Variants in CCDC148 observed in about 807,000 individuals in gnomAD.
CCDC148 encodes the protein coiled-coil domain containing 148.
Under a neutral mutation model 85.7 loss-of-function variants are expected in CCDC148, and 89 were observed. The observed-to-expected ratio is 1.04, with a 90% confidence interval of 0.87 to 1.24. CCDC148 has a LOEUF of 1.24. Among genes scored for constraint, CCDC148 ranks in the 50% most tolerant of loss-of-function variants. CCDC148 has a pLI of 0.00. For missense variants in CCDC148, 692 were observed against 671.7 expected (o/e 1.03, Z -0.33); for synonymous variants, 230 against 213.9 (o/e 1.08, Z -0.66).
chr2:158,274,713 C>T (rs1264643189), intron 9 of CCDC148, among the ~76,000 whole-genome samples: 2 of 152,086 alleles, frequency 1.3e-5, no homozygotes, highest in Non-Finnish European at 2.9e-5. Flanking sequence ...TTATGAGAAG[C>T]CATCCAACAA....
At chr2:158,370,518 C>T (rs1341639329) in intron 1 of CCDC148, among the ~76,000 whole-genome samples, 1 of 151,746 alleles carries the variant, frequency 6.6e-6, no homozygotes, top group Non-Finnish European at 1.5e-5. Flanking sequence ...ATGAAAGATC[C>T]CACAACATTT....
At position 158,345,196 on chromosome 2, in the gene CCDC148, T is replaced by C. The variant is rs1682931348; in HGVS notation, c.251+19A>G. 1.9e-6 allele frequency: 3 copies of C among 1,572,606 alleles called. No individual in the cohort carries two copies. The highest frequency in any genetic ancestry group is 2.6e-6 in the Non-Finnish European group (3 of 1,144,772). On this transcript the variant is annotated intron_variant, in intron 3 of 13. Coordinates refer to ENST00000283233, the MANE Select transcript of CCDC148 (RefSeq NM_138803.4). The stretch of plus-strand genomic sequence containing the variant: ...CCTAGTAATTCCTACGTGTTCTTAC[T>C]ATGTCCCCCAGTTCTTACCTGACTT...
chr2:158,400,364 T>C (rs1184583471), intron 1 of CCDC148, among the ~76,000 whole-genome samples: 1 of 152,080 alleles, frequency 6.6e-6, no homozygotes, highest in Non-Finnish European at 1.5e-5. Flanking sequence ...AACAGACATA[T>C]AGACCAATGG....
At chr2:158,421,180 G>A (rs1423865881) in intron 1 of CCDC148, among the ~76,000 whole-genome samples, 2 of 152,042 alleles carry the variant, frequency 1.3e-5, no homozygotes, top group South Asian at 2.1e-4. Flanking sequence ...ACAGATCAAC[G>A]AGACAGAAAG....
chr2:158,384,783 C>T (rs1685015844), intron 1 of CCDC148, among the ~76,000 whole-genome samples: 1 of 152,092 alleles, frequency 6.6e-6, no homozygotes, highest in African/African-American at 2.4e-5. Flanking sequence ...AGTGGAAACC[C>T]CTTCAAGCTG....
intron 11 of CCDC148, among the ~76,000 whole-genome samples, chr2:158,205,358 A>G (rs1161715543): frequency 6.6e-6 from 1 of 152,132 alleles, no homozygotes; most frequent in Non-Finnish European, 1.5e-5. Context: ...GGGTGGAGAG[A>G]GCAATGAATA....
At chr2:158,453,796 G>C (rs917229391) in intron 1 of CCDC148, among the ~76,000 whole-genome samples, 176 of 152,304 alleles carry the variant, frequency 1.2e-3, no homozygotes, top group African/African-American at 4.0e-3. Context: ...TAATTGAAAA[G>C]TTGTTTGGAT....
At position 158,398,116 on chromosome 2, in the gene CCDC148, G is replaced by A. The variant is rs141253405; in HGVS notation, c.26-39546C>T. Reference sequence around the variant, plus strand: ...TATACACCCAATACAGGAGCACCCAGATTCATAAAGCAAGTTCTTAGAGAC... The same window carrying A: ...TATACACCCAATACAGGAGCACCCAAATTCATAAAGCAAGTTCTTAGAGAC... On this transcript the variant is annotated intron_variant, in intron 1 of 13. Coordinates refer to ENST00000283233, the MANE Select transcript of CCDC148 (RefSeq NM_138803.4). Among the ~76,000 whole-genome samples the A allele has an allele frequency of 3.1e-3, 470 of 152,196 alleles. 14 individuals carry two copies. The East Asian group carries it at 0.067, about 22-fold the overall frequency.
At chr2:158,272,082 T>C (rs577422290) in intron 9 of CCDC148, among the ~76,000 whole-genome samples, 17 of 152,280 alleles carry the variant, frequency 1.1e-4, no homozygotes, top group African/African-American at 4.1e-4. Flanking sequence ...TGATGTTCAG[T>C]TGGTTAATAT....
At chr2:158,315,766 C>T (rs1380229401) in intron 7 of CCDC148, among the ~76,000 whole-genome samples, 2 of 152,036 alleles carry the variant, frequency 1.3e-5, no homozygotes, top group Admixed American at 6.5e-5. Context: ...AGCTGCCTCT[C>T]CCACCCTCTT....
intron 1 of CCDC148, among the ~76,000 whole-genome samples, chr2:158,435,748 C>A: frequency 6.6e-6 from 1 of 151,954 alleles, no homozygotes; most frequent in Non-Finnish European, 1.5e-5. Context: ...CGTGCACAGA[C>A]AAACATAAGC....
intron 1 of CCDC148, among the ~76,000 whole-genome samples, chr2:158,387,309 TC>T (rs1685129217): frequency 6.6e-6 from 1 of 151,960 alleles, no homozygotes; most frequent in African/African-American, 2.4e-5. Context: ...TATATCTATA[TC>T]TATATCTATG....
intron 10 of CCDC148, among the ~76,000 whole-genome samples, chr2:158,225,767 G>C (rs1224284532): frequency 6.6e-6 from 1 of 152,126 alleles, no homozygotes; most frequent in Non-Finnish European, 1.5e-5. Flanking sequence ...TGAGAACAAA[G>C]ACACAACATA....
In CCDC148 at chr2:158,175,199, G is replaced by A. The variant is rs963044557; in HGVS notation, c.1629+1322C>T. ...AACCGAGTATAAGGGTTAGCCCAGC[G>A]GCCTGAGACTTTTTAGCTTCTGATT... On this transcript the variant is annotated intron_variant, in intron 13 of 13. Transcript: ENST00000283233. Among the ~76,000 whole-genome samples the A allele has an allele frequency of 2.6e-5, 4 of 152,008 alleles. No homozygotes were observed. The Middle Eastern group carries it at 0.01, about 388-fold the overall frequency.
intron 7 of CCDC148, among the ~76,000 whole-genome samples, chr2:158,337,776 A>C (rs182056706): frequency 6.6e-6 from 1 of 152,262 alleles, no homozygotes; most frequent in African/African-American, 2.4e-5. Context: ...TCAGGAAGCT[A>C]CCAAAGCAAA....
intron 7 of CCDC148, among the ~76,000 whole-genome samples, chr2:158,335,289 C>T (rs187388096): frequency 3.3e-5 from 5 of 152,300 alleles, no homozygotes; most frequent in African/African-American, 9.6e-5. Context: ...CTGAGCTTTG[C>T]TCAGGGTAGC....
chr2:158,438,122 T>C (rs1192687557), intron 1 of CCDC148, among the ~76,000 whole-genome samples: 1 of 152,090 alleles, frequency 6.6e-6, no homozygotes, highest in Non-Finnish European at 1.5e-5. Flanking sequence ...TGGAAAAAAC[T>C]ACGTTAAAGT....
chr2:158,217,551 C>T (rs942251610), intron 11 of CCDC148, among the ~76,000 whole-genome samples: 6 of 151,796 alleles, frequency 4.0e-5, no homozygotes, highest in African/African-American at 7.2e-5. Context: ...TACAGGCACC[C>T]GCCACCATGC....
At chr2:158,426,840 A>G (rs1185244784) in intron 1 of CCDC148, among the ~76,000 whole-genome samples, 2 of 152,110 alleles carry the variant, frequency 1.3e-5, no homozygotes, top group Non-Finnish European at 2.9e-5. Context: ...CTGTTTTTCT[A>G]TTACACCTTA....
Sources: gnomAD v4.1 joint callset for allele counts (sites outside exome capture counted in the v4.1 genomes callset) on GRCh38, gnomAD v4.1.1 for gene constraint, MANE v1.5 for transcripts, NCBI Gene and HGNC (gene_info 2026-07-23, HGNC 2026-07-21) for gene names.